ATE1: variants seen among roughly 807,000 people sequenced by gnomAD.
The protein encoded by ATE1 is arginyltransferase 1, also known as arginyl-tRNA--protein transferase 1.
A neutral mutation model predicts 70.5 loss-of-function variants in ATE1; 36 were observed. The ratio of observed to expected loss-of-function variants is 0.51; its 90% CI spans 0.39 to 0.67. The LOEUF (loss-of-function observed/expected upper bound fraction) is 0.67, where lower values mean the gene tolerates loss of function less well. Ranked by LOEUF, ATE1 falls within the 30% of genes least tolerant of loss-of-function variation. ATE1 has a pLI of 0.00. For missense variants in ATE1, 593 were observed against 629.5 expected (o/e 0.94, Z 0.62); for synonymous variants, 232 against 219.3 (o/e 1.06, Z -0.51).
chr10:121,824,965 T>G (rs771438493), intron 10 of ATE1, among the ~76,000 whole-genome samples: 5 of 145,692 alleles, frequency 3.4e-5, no homozygotes, highest in Non-Finnish European at 6.0e-5. Flanking sequence ...AAAAAAAAAG[T>G]GAATAGCTAT....
At chr10:121,865,894 A>G (rs534327692) in intron 8 of ATE1, among the ~76,000 whole-genome samples, 3 of 152,334 alleles carry the variant, frequency 2.0e-5, no homozygotes, top group East Asian at 3.9e-4. Context: ...ACTGTTTAGG[A>G]CTTACAACAA....
At position 121,927,898 on chromosome 10, in the gene ATE1, C is replaced by T; in HGVS notation, c.52G>A (p.Glu18Lys). Residue 18 changes from glutamate to lysine, a missense_variant, in exon 1 of 12, where the codon GAG becomes AAG. Physicochemically the swap from Glu to Lys is moderately conservative, Grantham distance 56. Coordinates refer to ENST00000224652, the MANE Select transcript of ATE1 (RefSeq NM_001001976.3). ...SPSVVDYFPS[E>K]DFYRCGYCKN... ...CAGTAGCCGCAGCGGTAGAAGTCCT[C>T]GCTAGGGAAATAGTCCACGACGCTG... The T allele has an allele frequency of 6.3e-7, 1 of 1,592,916 alleles. No individual in the cohort carries two copies. The highest frequency in any genetic ancestry group is 2.3e-5 in the East Asian group (1 of 43,280).
At chr10:121,865,854 G>C (rs1949646043) in intron 8 of ATE1, among the ~76,000 whole-genome samples, 1 of 152,146 alleles carries the variant, frequency 6.6e-6, no homozygotes, top group Non-Finnish European at 1.5e-5. Flanking sequence ...ACTATAACCT[G>C]ACAATTTCAT....
At position 121,784,040 on chromosome 10, in the gene ATE1, G is replaced by C. The variant is rs370308100; in HGVS notation, c.1378+6129C>G. On this transcript the variant is annotated intron_variant, in intron 11 of 11. Coordinates refer to ENST00000224652, the MANE Select transcript of ATE1 (RefSeq NM_001001976.3). ...CCCAAAGTGCTGGGATCACAGGTGT[G>C]AGCCACCTTGCCTGGCACTTGCTTT... 9.8e-5 allele frequency among the ~76,000 whole-genome samples: 15 copies of C among 152,286 alleles called. No individual in the cohort carries two copies. The East Asian group carries it at 2.3e-3, about 24-fold the overall frequency.
At chr10:121,895,900 G>C (rs1013681170) in intron 7 of ATE1, among the ~76,000 whole-genome samples, 1 of 150,566 alleles carries the variant, frequency 6.6e-6, no homozygotes, top group African/African-American at 2.4e-5. Flanking sequence ...CTGGGCGACA[G>C]AGCAAGACTC....
At chr10:121,926,786 C>T (rs959708879) in intron 1 of ATE1, 22 of 985,294 alleles carry the variant, frequency 2.2e-5, no homozygotes, top group Non-Finnish European at 2.7e-5. Flanking sequence ...GAACTGTAAT[C>T]ATGTCGCATA....
Position 121,899,108 on chromosome 10 carries a change from C to T in ATE1, c.942+758G>A, listed in dbSNP as rs1056131731. On this transcript the variant is annotated intron_variant, in intron 7 of 11. Coordinates refer to ENST00000224652, the MANE Select transcript of ATE1 (RefSeq NM_001001976.3). ...ATTTGTCATGAAAAGAAACCTTAGA[C>T]GAGGCAGACGGGTGCAGAGACCGAA... The T allele has an allele frequency of 2.3e-5, 21 of 915,648 alleles. No individual in the cohort carries two copies. The South Asian group carries it at 3.1e-4, about 14-fold the overall frequency. The allele number at this position is 915,648 out of a possible 1,614,324, so 56.7% of individuals were successfully genotyped here.
At chr10:121,838,720 C>CT (rs879755276) in intron 9 of ATE1, among the ~76,000 whole-genome samples, 30 of 152,128 alleles carry the variant, frequency 2.0e-4, no homozygotes, top group Non-Finnish European at 4.3e-4. Context: ...TTATTCATGT[C>CT]TATGAGTGTA....
chr10:121,764,783 C>A (rs752762308), intron 11 of ATE1, among the ~76,000 whole-genome samples: 5 of 152,176 alleles, frequency 3.3e-5, no homozygotes, highest in Non-Finnish European at 5.9e-5. Context: ...ATGCTACCTG[C>A]ACATTTACTG....
At chr10:121,879,593 A>T (rs907151641) in intron 7 of ATE1, among the ~76,000 whole-genome samples, 1 of 152,232 alleles carries the variant, frequency 6.6e-6, no homozygotes, top group African/African-American at 2.4e-5. Flanking sequence ...GAATTCAACG[A>T]ATAAATGCAT....
intron 10 of ATE1, among the ~76,000 whole-genome samples, chr10:121,819,731 G>A (rs1947715080): frequency 6.7e-6 from 1 of 148,336 alleles, no homozygotes; most frequent in Non-Finnish European, 1.5e-5. Flanking sequence ...AGTGTACGCT[G>A]CTTGGGTGAT....
chr10:121,928,046 C>T (rs1020941551), upstream of ATE1: 4 of 1,228,320 alleles, frequency 3.3e-6, no homozygotes, highest in Non-Finnish European at 4.1e-6. Flanking sequence ...GGGAGCCTCC[C>T]GAGGCTCGCG....
At chr10:121,870,389 C>A (rs1301827008) in intron 7 of ATE1, among the ~76,000 whole-genome samples, 2 of 152,082 alleles carry the variant, frequency 1.3e-5, no homozygotes, top group African/African-American at 4.8e-5. Context: ...TCTTCCTGAC[C>A]TAAATTTGAC....
At chr10:121,756,063 C>T (rs12360014) in intron 11 of ATE1, among the ~76,000 whole-genome samples, 3,849 of 152,292 alleles carry the variant, frequency 0.025, 173 homozygotes, top group East Asian at 0.22. Flanking sequence ...AACTAAGTTA[C>T]TTCCTAGATA....
At chr10:121,927,494 A>G (rs1952144013) in intron 1 of ATE1, 2 of 984,944 alleles carry the variant, frequency 2.0e-6, no homozygotes, top group South Asian at 4.7e-5. Context: ...CTCCCACCGC[A>G]GCACCCACCG....
chr10:121,895,705 T>C (rs977977560), intron 7 of ATE1, among the ~76,000 whole-genome samples: 2 of 151,286 alleles, frequency 1.3e-5, no homozygotes, highest in East Asian at 2.0e-4. Flanking sequence ...CCCAGCACTT[T>C]AGGATTACAG....
intron 8 of ATE1, among the ~76,000 whole-genome samples, chr10:121,861,762 A>AG (rs1491078762): frequency 1.1e-4 from 16 of 143,730 alleles, no homozygotes; most frequent in South Asian, 2.4e-4. Context: ...AAAAAAAAAA[A>AG]AGAGATATAT....
At chr10:121,865,924 A>G (rs911456443) in intron 8 of ATE1, among the ~76,000 whole-genome samples, 1 of 152,236 alleles carries the variant, frequency 6.6e-6, no homozygotes, top group Non-Finnish European at 1.5e-5. Flanking sequence ...GTTCACTCAT[A>G]GTAGTCATTG....
At chr10:121,911,442 T>TAAAAAAAAAAAA (rs371014661) in intron 4 of ATE1, among the ~76,000 whole-genome samples, 2 of 128,340 alleles carry the variant, frequency 1.6e-5, no homozygotes. Context: ...TACAGTAAAT[T>TAAAAAAAAAAAA]AAAAAAAAAA....
Sources: gnomAD v4.1 joint callset for allele counts (sites outside exome capture counted in the v4.1 genomes callset) on GRCh38, gnomAD v4.1.1 for gene constraint, MANE v1.5 for transcripts, NCBI Gene and HGNC (gene_info 2026-07-23, HGNC 2026-07-21) for gene names.